NSUN6: variants seen among roughly 807,000 people sequenced by gnomAD.
NSUN6 encodes the protein tRNA (cytosine(72)-C(5))-methyltransferase NSUN6.
NSUN6 carries 64 observed loss-of-function variants against 58.0 expected under a neutral mutation model. That is an observed-to-expected ratio of 1.10 (90% confidence interval 0.90 to 1.36). NSUN6 has a LOEUF of 1.36. Among genes scored for constraint, NSUN6 ranks in the 40% most tolerant of loss-of-function variants. NSUN6 has a pLI of 0.00. For missense variants in NSUN6, 701 were observed against 550.1 expected, an observed-to-expected ratio of 1.27 and a Z score of -2.74; for synonymous variants, 231 against 193.9, an observed-to-expected ratio of 1.19 and a Z score of -1.59.
chr10:18,557,435 T>A (rs2055118130), intron 8 of NSUN6, among the ~76,000 whole-genome samples: 1 of 140,130 alleles, frequency 7.1e-6, no homozygotes, highest in Non-Finnish European at 1.5e-5. Flanking sequence ...GAATGGAGAA[T>A]GGAATGAAAT....
chr10:18,619,697 T>C (rs751276046), intron 3 of NSUN6, among the ~76,000 whole-genome samples: 9 of 151,566 alleles, frequency 5.9e-5, no homozygotes, highest in Admixed American at 1.3e-4. Flanking sequence ...ATACATATTA[T>C]TGAAGCTAAA....
chr10:18,553,452 A>ATGGAATGGAGAATGAAC (rs1373210193), intron 8 of NSUN6, among the ~76,000 whole-genome samples: 4 of 151,610 alleles, frequency 2.6e-5, no homozygotes, highest in African/African-American at 9.7e-5. Flanking sequence ...GCGAAATGGA[A>ATGGAATGGAGAATGAAC]TGGAATGGAG....
intron 7 of NSUN6, among the ~76,000 whole-genome samples, chr10:18,591,057 C>T (rs961951616): frequency 5.9e-5 from 9 of 152,124 alleles, no homozygotes; most frequent in Non-Finnish European, 1.2e-4. Context: ...AAGGGGATGT[C>T]ACCACTGATC....
intron 3 of NSUN6, among the ~76,000 whole-genome samples, chr10:18,638,976 C>G (rs1244105079): frequency 6.9e-6 from 1 of 145,918 alleles, no homozygotes. Context: ...AAAAACTGGC[C>G]GGCCATGGTG....
intron 3 of NSUN6, among the ~76,000 whole-genome samples, chr10:18,622,954 A>C (rs1477268782): frequency 6.6e-6 from 1 of 152,230 alleles, no homozygotes; most frequent in Non-Finnish European, 1.5e-5. Flanking sequence ...ACTGATCCAA[A>C]TGTAGCCTTT....
upstream of NSUN6, chr10:18,652,349 G>GTTT (rs891992385): frequency 3.1e-6 from 3 of 982,500 alleles, no homozygotes; most frequent in Non-Finnish European, 3.6e-6. Context: ...CTTGACATAT[G>GTTT]TTTTTTGCAG....
intron 3 of NSUN6, among the ~76,000 whole-genome samples, chr10:18,625,308 A>G (rs2058753259): frequency 6.6e-6 from 1 of 152,196 alleles, no homozygotes; most frequent in Admixed American, 6.5e-5. Context: ...ACAGCACACA[A>G]AGTCCTGCTG....
chr10:18,596,336 A>G lies in NSUN6; in HGVS notation c.658-9T>C. The G allele has an allele frequency of 1.3e-6, 2 of 1,525,970 alleles. No homozygotes were observed. The highest frequency in any genetic ancestry group is 1.8e-6 in the Non-Finnish European group (2 of 1,101,554). 94.5% of individuals were successfully genotyped at this position (1,525,970 alleles called of 1,614,324 possible). Reference sequence around the variant, plus strand: ...AAGGCAGATGGCAAATTCTATAAGGAAAAAAATGTAATCGATTATCAATAA... The same window carrying G: ...AAGGCAGATGGCAAATTCTATAAGGGAAAAAATGTAATCGATTATCAATAA... On this transcript the variant is annotated splice_polypyrimidine_tract_variant and intron_variant, in intron 6 of 10. Coordinates refer to ENST00000377304, the MANE Select transcript of NSUN6 (RefSeq NM_182543.5).
At chr10:18,622,073 C>CA (rs1390327716) in intron 3 of NSUN6, among the ~76,000 whole-genome samples, 2 of 151,814 alleles carry the variant, frequency 1.3e-5, no homozygotes, top group Non-Finnish European at 2.9e-5. Context: ...CACACACACA[C>CA]AAAAATTGAA....
At chr10:18,636,152 A>C (rs2059207321) in intron 3 of NSUN6, among the ~76,000 whole-genome samples, 1 of 152,032 alleles carries the variant, frequency 6.6e-6, no homozygotes, top group African/African-American at 2.4e-5. Flanking sequence ...AGACATTCCC[A>C]ATCAAGAAAG....
intron 6 of NSUN6, among the ~76,000 whole-genome samples, chr10:18,607,852 A>G (rs1036684082): frequency 2.0e-5 from 3 of 152,152 alleles, no homozygotes; most frequent in African/African-American, 7.2e-5. Flanking sequence ...AACTACTAAT[A>G]CCTACTACAG....
chr10:18,617,658 G>A (rs893817190), intron 3 of NSUN6, among the ~76,000 whole-genome samples: 3 of 151,978 alleles, frequency 2.0e-5, no homozygotes, highest in East Asian at 1.9e-4. Flanking sequence ...TGAATGAGAC[G>A]TCATTATCTG....
At chr10:18,604,626 G>A (rs1272051837) in intron 6 of NSUN6, among the ~76,000 whole-genome samples, 2 of 152,110 alleles carry the variant, frequency 1.3e-5, no homozygotes, top group Non-Finnish European at 2.9e-5. Flanking sequence ...GCTCACACCT[G>A]TAATCCCAGC....
At chr10:18,556,857 G>GAAGGAAGGGAATGGAATGGAGA (rs1258572119) in intron 8 of NSUN6, among the ~76,000 whole-genome samples, 4 of 148,674 alleles carry the variant, frequency 2.7e-5, no homozygotes, top group African/African-American at 9.9e-5. Context: ...TGGAATGGAG[G>GAAGGAAGGGAATGGAATGGAGA]AAGGAAGGGA....
At chr10:18,643,303 T>C (rs925408448) in intron 2 of NSUN6, among the ~76,000 whole-genome samples, 2 of 151,386 alleles carry the variant, frequency 1.3e-5, no homozygotes, top group East Asian at 2.0e-4. Context: ...AACAGCTGCA[T>C]AGGGGACTGG....
chr10:18,627,755 C>G (rs2058870234), intron 3 of NSUN6, among the ~76,000 whole-genome samples: 1 of 152,256 alleles, frequency 6.6e-6, no homozygotes, highest in African/African-American at 2.4e-5. Context: ...TCGGAGGGTC[C>G]TACGCCCACG....
intron 3 of NSUN6, 113 bp downstream of exon 3, chr10:18,642,363 T>C (rs1431649873): frequency 1.6e-6 from 1 of 635,828 alleles, no homozygotes; most frequent in Non-Finnish European, 2.8e-6. Context: ...CTGTTATCTA[T>C]AGAAAGTTGC....
At chr10:18,594,929 G>C (rs10764602) in intron 7 of NSUN6, among the ~76,000 whole-genome samples, 59,837 of 151,824 alleles carry the variant, frequency 0.39, 12,413 homozygotes, top group East Asian at 0.73. Flanking sequence ...TTAATACCAT[G>C]AAAAGCACTT....
chr10:18,563,135 A>C (rs1285823514), intron 8 of NSUN6, among the ~76,000 whole-genome samples: 1 of 148,770 alleles, frequency 6.7e-6, no homozygotes, highest in African/African-American at 2.5e-5. Context: ...ATGGAGATTG[A>C]ACTGGAATGG....
Sources: allele counts gnomAD v4.1 joint callset (sites outside exome capture counted in the v4.1 genomes callset), GRCh38; gene constraint gnomAD v4.1.1; transcripts MANE v1.5; gene names NCBI Gene and HGNC (gene_info 2026-07-23, HGNC 2026-07-21).